The following ADARB2 variants were observed in gnomAD, a reference collection of about 807,000 sequenced individuals.
ADARB2 encodes the protein adenosine deaminase RNA specific B2 (inactive), also known as inactive double-stranded RNA-specific editase B2.
Under a neutral mutation model 62.2 loss-of-function variants are expected in ADARB2, and 25 were observed. That is an observed-to-expected ratio of 0.40 (90% CI 0.29 to 0.56). The LOEUF is 0.56. Among genes scored for constraint, ADARB2 ranks in the 20% least tolerant of loss-of-function variants. The pLI is 0.43. For missense variants in ADARB2, 1,071 were observed against 1,077.4 expected (o/e 0.99, Z 0.08); for synonymous variants, 572 against 500.8 (o/e 1.14, Z -1.90).
chr10:1,507,556 T>A (rs1831868260), intron 1 of ADARB2, among the ~76,000 whole-genome samples: 1 of 152,190 alleles, frequency 6.6e-6, no homozygotes, highest in Admixed American at 6.5e-5. Flanking sequence ...GTGAGCTCCG[T>A]CTGGAGATGT....
intron 3 of ADARB2, among the ~76,000 whole-genome samples, chr10:1,332,735 G>A (rs1437905355): frequency 6.6e-6 from 1 of 152,142 alleles, no homozygotes; most frequent in East Asian, 1.9e-4. Context: ...GTCCAATAGA[G>A]ACACCACTAC....
At chr10:1,442,302 G>C (rs1179620271) in intron 1 of ADARB2, among the ~76,000 whole-genome samples, 1 of 152,126 alleles carries the variant, frequency 6.6e-6, no homozygotes, top group African/African-American at 2.4e-5. Flanking sequence ...ATTTCTCCCT[G>C]GTTAGGTCTT....
At chr10:1,225,063 A>G (rs1830732126) in intron 6 of ADARB2, among the ~76,000 whole-genome samples, 1 of 151,942 alleles carries the variant, frequency 6.6e-6, no homozygotes, top group Non-Finnish European at 1.5e-5. Flanking sequence ...GTGTCTTTGT[A>G]GGTCTCTAAG....
intron 1 of ADARB2, among the ~76,000 whole-genome samples, chr10:1,566,062 GCAAAAAAA>G (rs1564332443): frequency 1.2e-4 from 4 of 34,002 alleles, no homozygotes; most frequent in Admixed American, 5.3e-4. Flanking sequence ...GCTCAGTCTA[GCAAAAAAA>G]AAAAAAAAAA....
chr10:1,694,587 G>C (rs1834713979), intron 1 of ADARB2, among the ~76,000 whole-genome samples: 1 of 152,216 alleles, frequency 6.6e-6, no homozygotes, highest in Non-Finnish European at 1.5e-5. Flanking sequence ...CAGGGGAATG[G>C]TGGGGTCTGA....
intron 4 of ADARB2, among the ~76,000 whole-genome samples, chr10:1,267,396 A>G (rs1372143402): frequency 6.6e-6 from 1 of 152,196 alleles, no homozygotes; most frequent in African/African-American, 2.4e-5. Context: ...TTCTTGAGGA[A>G]GCTCTCTATG....
At position 1,242,279 on chromosome 10, in the gene ADARB2, G is replaced by C; in HGVS notation, c.1213C>G (p.Gln405Glu). ...MTKGLDARQA[Q>E]VVALSSGTKC... Reference sequence around the variant, plus strand: ...GTCCCCGAGGACAGGGCCACGACCTGCGCCTGCCGAGCATCCAGGCCTGGG... The same window carrying C: ...GTCCCCGAGGACAGGGCCACGACCTCCGCCTGCCGAGCATCCAGGCCTGGG... Residue 405 changes from glutamine (Q) to glutamate (E), a missense_variant, in exon 5 of 10, where the codon CAG becomes GAG. Transcript: ENST00000381312. 6.4e-7 allele frequency: 1 copy of C among 1,566,762 alleles called. No homozygotes were observed. The highest frequency in any genetic ancestry group is 8.6e-7 in the Non-Finnish European group (1 of 1,157,782).
At chr10:1,490,025 GT>G (rs1398271190) in intron 1 of ADARB2, among the ~76,000 whole-genome samples, 3 of 152,216 alleles carry the variant, frequency 2.0e-5, no homozygotes, top group Admixed American at 1.3e-4. Context: ...TGACAATTTT[GT>G]GATAAACAGA....
chr10:1,644,305 G>A (rs1050415292), intron 1 of ADARB2, among the ~76,000 whole-genome samples: 6 of 152,192 alleles, frequency 3.9e-5, no homozygotes, highest in African/African-American at 1.2e-4. Context: ...CAATGTCCCC[G>A]AGCTGCCATT....
intron 1 of ADARB2, among the ~76,000 whole-genome samples, chr10:1,462,215 G>C (rs915223716): frequency 6.7e-6 from 1 of 149,680 alleles, no homozygotes; most frequent in East Asian, 2.0e-4. Context: ...AGCCTGCCTC[G>C]GCCACAGCTC....
intron 6 of ADARB2, among the ~76,000 whole-genome samples, chr10:1,218,998 C>T (rs1023188269): frequency 5.5e-5 from 8 of 144,492 alleles, no homozygotes; most frequent in East Asian, 2.1e-4. Context: ...TGCAGTGAGC[C>T]GAGATTGTGC....
At chr10:1,694,651 G>A (rs1588355252) in intron 1 of ADARB2, among the ~76,000 whole-genome samples, 2 of 152,260 alleles carry the variant, frequency 1.3e-5, no homozygotes, top group East Asian at 1.9e-4. Context: ...CACTCAAATC[G>A]ATCAATCCTA....
chr10:1,186,272 A>C (rs1416595619), intron 8 of ADARB2, among the ~76,000 whole-genome samples: 3 of 152,140 alleles, frequency 2.0e-5, no homozygotes, highest in Non-Finnish European at 4.4e-5. Context: ...AGCATGGTGG[A>C]CGTGGCCCTC....
chr10:1,184,073 A>C (rs1451036461), intron 9 of ADARB2, among the ~76,000 whole-genome samples: 1 of 152,230 alleles, frequency 6.6e-6, no homozygotes, highest in African/African-American at 2.4e-5. Context: ...TGAGAGCTGC[A>C]GGATGCTGGG....
At chr10:1,346,528 C>T (rs1364682120) in intron 3 of ADARB2, among the ~76,000 whole-genome samples, 2 of 152,252 alleles carry the variant, frequency 1.3e-5, no homozygotes, top group Non-Finnish European at 1.5e-5. Context: ...TCAGAATGAT[C>T]TGGGAGCATT....
At chr10:1,514,591 C>A (rs55775929) in intron 1 of ADARB2, among the ~76,000 whole-genome samples, 3 of 151,886 alleles carry the variant, frequency 2.0e-5, no homozygotes, top group Admixed American at 2.0e-4. Flanking sequence ...TCCTGCACAG[C>A]GGCCCCTGGC....
At chr10:1,716,157 G>A (rs1835014614) in intron 1 of ADARB2, among the ~76,000 whole-genome samples, 1 of 152,140 alleles carries the variant, frequency 6.6e-6, no homozygotes, top group African/African-American at 2.4e-5. Context: ...CTCCTCGCCC[G>A]ACTGCTTACT....
At chr10:1,400,457 T>C (rs549454470) in intron 1 of ADARB2, among the ~76,000 whole-genome samples, 101 of 152,264 alleles carry the variant, frequency 6.6e-4, no homozygotes, top group African/African-American at 2.3e-3. Flanking sequence ...CACATGGAGA[T>C]GGATTTTCTG....
intron 1 of ADARB2, among the ~76,000 whole-genome samples, chr10:1,507,466 G>T (rs1251648390): frequency 1.3e-5 from 2 of 152,204 alleles, no homozygotes; most frequent in Non-Finnish European, 2.9e-5. Context: ...TGCCCTTCAA[G>T]GCCCCTCGTG....
Sources: allele counts gnomAD v4.1 joint callset (sites outside exome capture counted in the v4.1 genomes callset), GRCh38; gene constraint gnomAD v4.1.1; transcripts MANE v1.5; gene names NCBI Gene and HGNC (gene_info 2026-07-23, HGNC 2026-07-21).